Variants in SPON1 observed in about 807,000 individuals in gnomAD.
SPON1 encodes spondin 1.
SPON1 carries 52 observed loss-of-function variants against 111.7 expected under a neutral mutation model. That is an observed-to-expected ratio of 0.47 (90% CI 0.37 to 0.59). SPON1 has a LOEUF of 0.59. SPON1 is among the 20% of genes least tolerant of loss of function. The probability of loss-of-function intolerance (pLI) is 0.00; values close to 1 mark genes in which losing one functional copy is unlikely to be tolerated. For synonymous variants in SPON1, 410 were observed against 395.8 expected (o/e 1.04, Z -0.43); for missense variants, 957 against 1,068.5 (o/e 0.90, Z 1.46).
At chr11:14,010,756 C>T (rs1438193328) in intron 2 of SPON1, among the ~76,000 whole-genome samples, 1 of 152,150 alleles carries the variant, frequency 6.6e-6, no homozygotes, top group East Asian at 1.9e-4. Context: ...TTTCTAGGTG[C>T]AATATTAAGT....
intron 6 of SPON1, among the ~76,000 whole-genome samples, chr11:14,235,778 G>A (rs1299475714): frequency 1.3e-5 from 2 of 151,852 alleles, no homozygotes; most frequent in African/African-American, 4.8e-5. Context: ...TAAAGGAATA[G>A]GGATGCTGAG....
At chr11:14,208,195 G>T (rs1848535499) in intron 6 of SPON1, among the ~76,000 whole-genome samples, 1 of 152,164 alleles carries the variant, frequency 6.6e-6, no homozygotes. Context: ...GCATGCTGGG[G>T]CCTATTGGAA....
chr11:14,139,933 C>A (rs1298623038), intron 6 of SPON1, among the ~76,000 whole-genome samples: 2 of 152,022 alleles, frequency 1.3e-5, no homozygotes, highest in African/African-American at 4.8e-5. Flanking sequence ...ACTTATTGTG[C>A]TTAGAACTAA....
chr11:14,161,011 T>TATATATATTTA (rs1847942030), intron 6 of SPON1, among the ~76,000 whole-genome samples: 1 of 35,122 alleles, frequency 2.8e-5, no homozygotes, highest in Non-Finnish European at 4.8e-5. Context: ...ATTTATATAT[T>TATATATATTTA]TATATATCTA....
intron 7 of SPON1, 150 bp downstream of exon 7, chr11:14,243,546 C>T: frequency 1.4e-6 from 1 of 698,796 alleles, no homozygotes; most frequent in African/African-American, 1.8e-5. Context: ...ATGTGCAGAG[C>T]ATCACACCTG....
intron 6 of SPON1, among the ~76,000 whole-genome samples, chr11:14,141,029 C>CGCCCA (rs71041572): frequency 3.8e-5 from 5 of 132,274 alleles, no homozygotes; most frequent in South Asian, 2.5e-4. Flanking sequence ...GTGCCCCCCC[C>CGCCCA]ATGCCCCACT....
intron 3 of SPON1, among the ~76,000 whole-genome samples, chr11:14,048,240 A>AAAAC (rs34567808): frequency 0.3 from 45,399 of 151,770 alleles, 7,830 homozygotes; most frequent in South Asian, 0.51. Flanking sequence ...ACCTCATCTC[A>AAAAC]AAACAAACAA....
intron 2 of SPON1, among the ~76,000 whole-genome samples, chr11:14,003,302 C>T (rs2133793785): frequency 6.6e-6 from 1 of 152,238 alleles, no homozygotes; most frequent in African/African-American, 2.4e-5. Context: ...CAGTCCAAAA[C>T]ATTTATTAGG....
At chr11:14,050,435 T>C (rs1230663503) in intron 3 of SPON1, among the ~76,000 whole-genome samples, 1 of 152,236 alleles carries the variant, frequency 6.6e-6, no homozygotes, top group African/African-American at 2.4e-5. Context: ...TATCAAGCTA[T>C]AGTAGCAGAA....
chr11:14,129,416 C>T (rs1317037117), intron 5 of SPON1, among the ~76,000 whole-genome samples: 1 of 152,186 alleles, frequency 6.6e-6, no homozygotes, highest in Non-Finnish European at 1.5e-5. Flanking sequence ...AAAAATGCTG[C>T]CGCTCCCTTT....
chr11:13,977,183 C>T (rs187283111), intron 1 of SPON1, among the ~76,000 whole-genome samples: 1 of 152,222 alleles, frequency 6.6e-6, no homozygotes, highest in Admixed American at 6.5e-5. Flanking sequence ...ATCTTTGGTG[C>T]ACATATATAT....
chr11:14,095,549 G>A (rs1849094036), intron 5 of SPON1, among the ~76,000 whole-genome samples: 1 of 152,136 alleles, frequency 6.6e-6, no homozygotes, highest in African/African-American at 2.4e-5. Flanking sequence ...ACCCAGTGGT[G>A]TAGTTCTAGT....
chr11:14,171,307 G>C (rs1564922740), intron 6 of SPON1, among the ~76,000 whole-genome samples: 1 of 152,132 alleles, frequency 6.6e-6, no homozygotes, highest in African/African-American at 2.4e-5. Flanking sequence ...ATTCTCTGAT[G>C]GTAGTTTGTA....
intron 1 of SPON1, among the ~76,000 whole-genome samples, chr11:13,964,750 C>T (rs1848003275): frequency 6.6e-6 from 1 of 152,198 alleles, no homozygotes; most frequent in East Asian, 1.9e-4. Flanking sequence ...CGGCGACTGC[C>T]ACTCGGTGCA....
chr11:14,178,088 A>G (rs1209099483), intron 6 of SPON1, among the ~76,000 whole-genome samples: 1 of 148,430 alleles, frequency 6.7e-6, no homozygotes, highest in African/African-American at 2.5e-5. Context: ...TTTGGTCTCC[A>G]GTGACTGGGG....
At chr11:14,222,540 G>A (rs1461146563) in intron 6 of SPON1, among the ~76,000 whole-genome samples, 3 of 152,184 alleles carry the variant, frequency 2.0e-5, no homozygotes, top group African/African-American at 7.2e-5. Context: ...AGCTGATTCT[G>A]AAGCACAGCT....
chr11:13,986,447 A>C (rs868930870), intron 2 of SPON1, among the ~76,000 whole-genome samples: 5 of 151,324 alleles, frequency 3.3e-5, no homozygotes, highest in African/African-American at 4.9e-5. Context: ...TGTAATGATC[A>C]AGTCAAATAT....
intron 1 of SPON1, among the ~76,000 whole-genome samples, chr11:13,976,505 G>A (rs1848104836): frequency 6.6e-6 from 1 of 152,126 alleles, no homozygotes; most frequent in South Asian, 2.1e-4. Flanking sequence ...ACCCCACACT[G>A]AGTTCAGCTT....
chr11:14,042,332 A>T lies in SPON1; in HGVS notation c.479+678A>T, dbSNP rs1180158715. 1.3e-4 allele frequency among the ~76,000 whole-genome samples: 20 copies of T among 152,172 alleles called. 1 individual carries two copies. On this transcript the variant is annotated intron_variant, in intron 3 of 15. Transcript: ENST00000576479. ...GTCAAATGTTTGCAAAATGCTGTGT[A>T]CTAGATACCCTTCTTACAGATTCAT... is the stretch of plus-strand genomic sequence containing the variant.
Sources: allele counts gnomAD v4.1 joint callset (sites outside exome capture counted in the v4.1 genomes callset), GRCh38; gene constraint gnomAD v4.1.1; transcripts MANE v1.5; gene names NCBI Gene and HGNC (gene_info 2026-07-23, HGNC 2026-07-21).